The following DDX10 variants were observed in gnomAD, a reference collection of about 807,000 sequenced individuals.
DDX10 encodes the protein DEAD-box helicase 10.
A neutral mutation model predicts 104.3 loss-of-function variants in DDX10; 74 were observed. That is an observed-to-expected ratio of 0.71 (90% CI 0.59 to 0.86). DDX10 has a LOEUF of 0.86. Among genes scored for constraint, DDX10 ranks in the 40% least tolerant of loss-of-function variants. The pLI, the probability that DDX10 is intolerant of heterozygous loss-of-function variation, is 0.00. For missense variants in DDX10, 952 were observed against 1,040.0 expected (o/e 0.92, Z 1.16); for synonymous variants, 351 against 353.4 (o/e 0.99, Z 0.08).
At chr11:108,800,370 G>A (rs2615716) in intron 13 of DDX10, among the ~76,000 whole-genome samples, 17,841 of 146,914 alleles carry the variant, frequency 0.12, 1,459 homozygotes, top group East Asian at 0.27. Context: ...GCATCAACCC[G>A]GGAGGCAGAG....
chr11:108,790,774 T>G (rs1861859668), intron 13 of DDX10, among the ~76,000 whole-genome samples: 1 of 151,836 alleles, frequency 6.6e-6, no homozygotes, highest in Non-Finnish European at 1.5e-5. Context: ...TTTTTTTTTT[T>G]GACTCTTAAA....
At chr11:108,672,421 T>A (rs935517863) in intron 1 of DDX10, among the ~76,000 whole-genome samples, 2 of 152,238 alleles carry the variant, frequency 1.3e-5, no homozygotes, top group Non-Finnish European at 2.9e-5. Flanking sequence ...TGGGACAGTA[T>A]GTTATTTGAA....
At chr11:108,738,129 T>C (rs1299502591) in intron 13 of DDX10, among the ~76,000 whole-genome samples, 2 of 151,788 alleles carry the variant, frequency 1.3e-5, no homozygotes, top group Non-Finnish European at 2.9e-5. Context: ...TCTTTTGATC[T>C]ATCTGAACTG....
intron 13 of DDX10, among the ~76,000 whole-genome samples, chr11:108,736,747 C>G (rs1273565178): frequency 6.6e-6 from 1 of 152,174 alleles, no homozygotes; most frequent in African/African-American, 2.4e-5. Flanking sequence ...AAGGCTCATA[C>G]CAGATGTCAA....
rs180965016 is a variant in DDX10 at position 108,718,617 on chromosome 11, G to C, written c.1411-1180G>C. Among the ~76,000 whole-genome samples, 30 of 152,282 alleles carry C rather than the reference G, an allele frequency of 2.0e-4. No individual in the cohort carries two copies. In the East Asian group the frequency reaches 5.2e-3, roughly 26 times the overall value. ...TTTTTCACTGGTTTGTGCATACAACGGATGAGCCTTCCAGAACACTGATTA... is the reference window on the plus strand; with the variant it reads ...TTTTTCACTGGTTTGTGCATACAACCGATGAGCCTTCCAGAACACTGATTA... On this transcript the variant is annotated intron_variant, in intron 11 of 17. Coordinates refer to ENST00000322536, the MANE Select transcript of DDX10 (RefSeq NM_004398.4).
At chr11:108,785,680 C>A (rs1364497360) in intron 13 of DDX10, among the ~76,000 whole-genome samples, 1 of 152,108 alleles carries the variant, frequency 6.6e-6, no homozygotes, top group African/African-American at 2.4e-5. Context: ...TTTCCAGGAA[C>A]TTATCCATTT....
intron 13 of DDX10, among the ~76,000 whole-genome samples, chr11:108,834,290 CATCT>C (rs1862516941): frequency 6.6e-6 from 1 of 151,872 alleles, no homozygotes; most frequent in South Asian, 2.1e-4. Flanking sequence ...CATAACTATC[CATCT>C]ATCTCTCCAT....
chr11:108,871,719 G>C (rs1211784617), intron 16 of DDX10, among the ~76,000 whole-genome samples: 1 of 152,054 alleles, frequency 6.6e-6, no homozygotes, highest in African/African-American at 2.4e-5. Context: ...CCTGAGGTAG[G>C]GGGTTCTGAG....
At chr11:108,918,317 C>G (rs1240902476) in intron 17 of DDX10, 2 of 373,160 alleles carry the variant, frequency 5.4e-6, no homozygotes, top group Non-Finnish European at 9.3e-6. Context: ...TTATCTTTCT[C>G]TGAGTCCTTT....
intron 13 of DDX10, among the ~76,000 whole-genome samples, chr11:108,754,774 G>A (rs986310720): frequency 9.9e-5 from 15 of 151,948 alleles, no homozygotes. Flanking sequence ...GGAAATCTAT[G>A]AGAACGGAGA....
At chr11:108,887,966 C>CCA (rs56105276) in intron 16 of DDX10, among the ~76,000 whole-genome samples, 1 of 151,176 alleles carries the variant, frequency 6.6e-6, no homozygotes, top group Non-Finnish European at 1.5e-5. Flanking sequence ...TTTTCCCCCC[C>CCA]ACTTTCTAGT....
At chr11:108,756,224 G>A (rs2094344290) in intron 13 of DDX10, among the ~76,000 whole-genome samples, 2 of 151,932 alleles carry the variant, frequency 1.3e-5, no homozygotes, top group African/African-American at 2.4e-5. Context: ...TTTTTCATAC[G>A]TTGATTTAGT....
intron 13 of DDX10, among the ~76,000 whole-genome samples, chr11:108,729,668 C>T (rs1200125760): frequency 2.6e-5 from 4 of 151,738 alleles, no homozygotes; most frequent in East Asian, 1.9e-4. Context: ...TACTATACAT[C>T]AGGCCAGGCA....
At chr11:108,715,278 C>A (rs1299709118) in intron 10 of DDX10, among the ~76,000 whole-genome samples, 1 of 152,120 alleles carries the variant, frequency 6.6e-6, no homozygotes, top group Non-Finnish European at 1.5e-5. Flanking sequence ...CTTTGGGAAT[C>A]CAAGGCAGAA....
intron 16 of DDX10, among the ~76,000 whole-genome samples, chr11:108,915,865 T>C (rs1424756214): frequency 6.7e-6 from 1 of 149,088 alleles, no homozygotes; most frequent in African/African-American, 2.5e-5. Flanking sequence ...ACCACAACAA[T>C]ATTGCAACAG....
At chr11:108,785,817 T>G (rs978379504) in intron 13 of DDX10, among the ~76,000 whole-genome samples, 1 of 152,178 alleles carries the variant, frequency 6.6e-6, no homozygotes, top group Admixed American at 6.5e-5. Context: ...TTCTGTTTTT[T>G]GTTGTTGTTA....
chr11:108,675,788 GA>G, intron 3 of DDX10, 62 bp downstream of exon 3: 1 of 1,573,418 alleles, frequency 6.4e-7, no homozygotes, highest in Non-Finnish European at 8.7e-7. Flanking sequence ...TCTGTGCCCA[GA>G]TGCAGATTAT....
intron 13 of DDX10, among the ~76,000 whole-genome samples, chr11:108,738,138 T>G (rs2094320607): frequency 6.6e-6 from 1 of 151,728 alleles, no homozygotes; most frequent in Admixed American, 6.6e-5. Context: ...CTATCTGAAC[T>G]GTCTTCTGCT....
chr11:108,670,457 G>A (rs986944181), intron 1 of DDX10, among the ~76,000 whole-genome samples: 11 of 152,152 alleles, frequency 7.2e-5, no homozygotes, highest in Non-Finnish European at 1.6e-4. Context: ...ATCCAAAATT[G>A]TCCATCAGAG....
Sources: allele counts gnomAD v4.1 joint callset (sites outside exome capture counted in the v4.1 genomes callset), GRCh38; gene constraint gnomAD v4.1.1; transcripts MANE v1.5; gene names NCBI Gene and HGNC (gene_info 2026-07-23, HGNC 2026-07-21).